Variants in ADAM10 observed in about 807,000 individuals in gnomAD.
The protein encoded by ADAM10 is disintegrin and metalloproteinase domain-containing protein 10.
In ADAM10, 17 loss-of-function variants were observed where a neutral mutation model predicts 90.1. The observed-to-expected ratio is 0.19, with a 90% CI of 0.13 to 0.28. The LOEUF is 0.28. ADAM10 is among the 10% of genes least tolerant of loss of function. The pLI is 1.00. For synonymous variants in ADAM10, 310 were observed against 298.6 expected (o/e 1.04, Z -0.40); for missense variants, 610 against 914.3 (o/e 0.67, Z 4.29).
At chr15:58,690,742 A>C (rs1212643876) in intron 2 of ADAM10, among the ~76,000 whole-genome samples, 8 of 152,172 alleles carry the variant, frequency 5.3e-5, no homozygotes, top group African/African-American at 1.9e-4. Context: ...CTCTTAATCT[A>C]CTTCTTCCAT....
At chr15:58,740,880 T>C (rs1899590469) in intron 1 of ADAM10, among the ~76,000 whole-genome samples, 1 of 152,234 alleles carries the variant, frequency 6.6e-6, no homozygotes, top group Non-Finnish European at 1.5e-5. Flanking sequence ...GATGTTCTAA[T>C]ATTCCAACTA....
chr15:58,705,731 G>T (rs1229681263), intron 2 of ADAM10, among the ~76,000 whole-genome samples: 1 of 152,170 alleles, frequency 6.6e-6, no homozygotes. Context: ...CTATAGGTTA[G>T]AATAGTTAGA....
chr15:58,727,330 A>G (rs1162244958), intron 1 of ADAM10, among the ~76,000 whole-genome samples: 5 of 152,216 alleles, frequency 3.3e-5, no homozygotes, highest in African/African-American at 9.6e-5. Flanking sequence ...AGCTGGGATT[A>G]CAGGCATGCA....
intron 10 of ADAM10, among the ~76,000 whole-genome samples, chr15:58,625,292 C>G (rs186873931): frequency 1.3e-5 from 2 of 151,958 alleles, no homozygotes; most frequent in Admixed American, 6.6e-5. Flanking sequence ...AAAGAATTCT[C>G]AATACTCCAA....
chr15:58,604,309 C>T lies in ADAM10; in HGVS notation c.2026-4585G>A, dbSNP rs559598901. ...CTGGGAGACGGTGGTTGCAGTGAGC[C>T]GAGATTACGCCACTGCACTCCAGCC... On this transcript the variant is annotated intron_variant, in intron 14 of 15. Coordinates refer to ENST00000260408, the MANE Select transcript of ADAM10 (RefSeq NM_001110.4). Among the ~76,000 whole-genome samples the T allele has an allele frequency of 2.0e-5, 3 of 152,100 alleles. No homozygotes were observed. In the South Asian group the frequency reaches 6.3e-4, roughly 32 times the overall value.
intron 1 of ADAM10, among the ~76,000 whole-genome samples, chr15:58,733,416 T>G (rs962850263): frequency 1.3e-5 from 2 of 152,168 alleles, no homozygotes. Flanking sequence ...CCCTTTTTTG[T>G]GGACAATGGT....
At chr15:58,663,480 T>C (rs1403784130) in intron 5 of ADAM10, among the ~76,000 whole-genome samples, 1 of 152,054 alleles carries the variant, frequency 6.6e-6, no homozygotes, top group African/African-American at 2.4e-5. Context: ...TAATACCTCC[T>C]AGGGTAAATC....
chr15:58,748,847 G>C (rs1899878454), intron 1 of ADAM10: 2 of 398,478 alleles, frequency 5.0e-6, no homozygotes, highest in African/African-American at 4.1e-5. Flanking sequence ...GAGGCCACTA[G>C]TCTCAGATAA....
chr15:58,713,691 T>A (rs572696919), intron 2 of ADAM10, among the ~76,000 whole-genome samples: 1 of 152,342 alleles, frequency 6.6e-6, no homozygotes, highest in South Asian at 2.1e-4. Flanking sequence ...AACAGTTTAA[T>A]CTTCTAGTAA....
intron 2 of ADAM10, among the ~76,000 whole-genome samples, chr15:58,704,794 A>AGACACGAT (rs1242015549): frequency 1.3e-5 from 2 of 152,198 alleles, no homozygotes; most frequent in African/African-American, 4.8e-5. Flanking sequence ...AGTACAAAGG[A>AGACACGAT]GACACGATGA....
At chr15:58,613,188 T>TA in intron 11 of ADAM10, among the ~76,000 whole-genome samples, 1 of 152,272 alleles carries the variant, frequency 6.6e-6, no homozygotes, top group South Asian at 2.1e-4. Flanking sequence ...CAGTTATTGA[T>TA]GATGTTGAAT....
chr15:58,711,827 G>GT (rs1425859372), intron 2 of ADAM10, among the ~76,000 whole-genome samples: 1 of 151,926 alleles, frequency 6.6e-6, no homozygotes, highest in Non-Finnish European at 1.5e-5. Flanking sequence ...ACAGACAATC[G>GT]TTTTAAGTAA....
intron 8 of ADAM10, among the ~76,000 whole-genome samples, chr15:58,636,312 A>C (rs1243847442): frequency 1.3e-5 from 2 of 152,038 alleles, no homozygotes; most frequent in East Asian, 1.9e-4. Flanking sequence ...TATTTGTTGC[A>C]GGCTAATAGC....
At chr15:58,702,773 G>C (rs1898170473) in intron 2 of ADAM10, among the ~76,000 whole-genome samples, 1 of 152,134 alleles carries the variant, frequency 6.6e-6, no homozygotes, top group African/African-American at 2.4e-5. Flanking sequence ...AAAATTCACT[G>C]CTTCTATTAA....
chr15:58,656,352 T>C (rs1397539617), intron 5 of ADAM10, among the ~76,000 whole-genome samples: 3 of 152,142 alleles, frequency 2.0e-5, no homozygotes, highest in African/African-American at 7.2e-5. Flanking sequence ...TCCTGCCACT[T>C]TGTTTTTTTG....
intron 10 of ADAM10, among the ~76,000 whole-genome samples, chr15:58,625,192 G>C: frequency 6.6e-6 from 1 of 152,068 alleles, no homozygotes; most frequent in East Asian, 1.9e-4. Flanking sequence ...TTTGCTCCAC[G>C]AAAGAACTGT....
intron 1 of ADAM10, among the ~76,000 whole-genome samples, chr15:58,729,695 G>A (rs970481535): frequency 9.2e-5 from 14 of 152,112 alleles, no homozygotes; most frequent in Non-Finnish European, 2.9e-5. Flanking sequence ...CAGGCGCAGG[G>A]GCTCACGCTT....
chr15:58,655,708 ATAG>A (rs1439097902), intron 5 of ADAM10, among the ~76,000 whole-genome samples: 4 of 67,396 alleles, frequency 5.9e-5, no homozygotes, highest in Admixed American at 3.7e-4. Context: ...ATATATATAT[ATAG>A]TATATATATA....
chr15:58,742,607 TACTA>T (rs1899651191), intron 1 of ADAM10, among the ~76,000 whole-genome samples: 1 of 152,240 alleles, frequency 6.6e-6, no homozygotes. Flanking sequence ...GCTATCCTAA[TACTA>T]ACGCAAAATC....
Sources: gnomAD v4.1 joint callset for allele counts (sites outside exome capture counted in the v4.1 genomes callset) on GRCh38, gnomAD v4.1.1 for gene constraint, MANE v1.5 for transcripts, NCBI Gene and HGNC (gene_info 2026-07-23, HGNC 2026-07-21) for gene names.